The following MAP4K5 variants were observed in gnomAD, a reference collection of about 807,000 sequenced individuals.
MAP4K5 encodes mitogen-activated protein kinase kinase kinase kinase 5, also known as MAPK/ERK kinase kinase kinase 5.
MAP4K5 carries 82 observed loss-of-function variants against 135.6 expected under a neutral mutation model. The ratio of observed to expected loss-of-function variants is 0.60; its 90% CI spans 0.51 to 0.73. The LOEUF is 0.73. MAP4K5 is among the 30% of genes least tolerant of loss of function. MAP4K5 has a pLI of 0.00. For missense variants in MAP4K5, 907 were observed against 1,010.9 expected (o/e 0.90, Z 1.39); for synonymous variants, 347 against 335.0 (o/e 1.04, Z -0.39).
intron 11 of MAP4K5, among the ~76,000 whole-genome samples, chr14:50,465,449 T>C (rs1173885551): frequency 1.3e-5 from 2 of 152,214 alleles, no homozygotes; most frequent in African/African-American, 4.8e-5. Context: ...GATGACATCT[T>C]TTTGGACTAT....
chr14:50,483,837 CATTTATTTATTTATTT>C (rs72048369), intron 5 of MAP4K5, among the ~76,000 whole-genome samples: 51 of 144,296 alleles, frequency 3.5e-4, no homozygotes, highest in South Asian at 1.6e-3. Context: ...ACAGCAATTC[CATTTATTTATTTATTT>C]ATTTATTTAT....
intron 26 of MAP4K5, among the ~76,000 whole-genome samples, chr14:50,436,378 T>C (rs1021849587): frequency 6.6e-6 from 1 of 152,152 alleles, no homozygotes; most frequent in Non-Finnish European, 1.5e-5. Flanking sequence ...CTGGATAATA[T>C]AACAATAATG....
At chr14:50,490,123 G>A (rs1057447777) in intron 3 of MAP4K5, among the ~76,000 whole-genome samples, 7 of 99,854 alleles carry the variant, frequency 7.0e-5, no homozygotes, top group South Asian at 3.6e-4. Context: ...GACAGAGAGC[G>A]AGTGAGAGTG....
intron 6 of MAP4K5, among the ~76,000 whole-genome samples, chr14:50,482,127 A>G (rs2037256433): frequency 6.6e-6 from 1 of 152,220 alleles, no homozygotes; most frequent in Admixed American, 6.5e-5. Context: ...ACATATGATC[A>G]CTGTATATGT....
intron 5 of MAP4K5, among the ~76,000 whole-genome samples, chr14:50,483,540 TAAC>T (rs1184029808): frequency 2.0e-5 from 3 of 151,954 alleles, no homozygotes; most frequent in Non-Finnish European, 2.9e-5. Flanking sequence ...GTCACTTTAT[TAAC>T]AACATCTAAT....
intron 32 of MAP4K5, among the ~76,000 whole-genome samples, 170 bp downstream of exon 32, chr14:50,422,951 A>C (rs2035766109): frequency 3.9e-5 from 6 of 152,340 alleles, no homozygotes; most frequent in Middle Eastern, 3.4e-3. Flanking sequence ...AAGGTTGCTT[A>C]GTTAACTTAT....
At chr14:50,483,928 T>C (rs1414814707) in intron 5 of MAP4K5, among the ~76,000 whole-genome samples, 3 of 152,106 alleles carry the variant, frequency 2.0e-5, no homozygotes, top group South Asian at 2.1e-4. Flanking sequence ...TGGCGTGATC[T>C]TGGTTCACTG....
chr14:50,463,756 G>C (rs561488509), intron 12 of MAP4K5, among the ~76,000 whole-genome samples: 11 of 151,712 alleles, frequency 7.3e-5, no homozygotes, highest in South Asian at 2.1e-4. Flanking sequence ...GTAGTGGCAC[G>C]CGCCTGTAAT....
At chr14:50,538,912 T>A (rs1408038510) in intron 2 of MAP4K5, among the ~76,000 whole-genome samples, 1 of 152,236 alleles carries the variant, frequency 6.6e-6, no homozygotes, top group Non-Finnish European at 1.5e-5. Flanking sequence ...CTCAAACTCC[T>A]GGCCTCAAGC....
At chr14:50,471,027 T>C (rs2139848594) in intron 9 of MAP4K5, among the ~76,000 whole-genome samples, 1 of 152,308 alleles carries the variant, frequency 6.6e-6, no homozygotes, top group Middle Eastern at 3.4e-3. Flanking sequence ...ACTTTTATTT[T>C]AAGTTCCAGG....
intron 2 of MAP4K5, among the ~76,000 whole-genome samples, chr14:50,515,912 C>T (rs1429361168): frequency 6.6e-6 from 1 of 152,196 alleles, no homozygotes; most frequent in Non-Finnish European, 1.5e-5. Context: ...TGACAGGCAC[C>T]TTAACATTAA....
At chr14:50,459,308 C>A (rs2036659142) in intron 13 of MAP4K5, among the ~76,000 whole-genome samples, 1 of 152,166 alleles carries the variant, frequency 6.6e-6, no homozygotes, top group African/African-American at 2.4e-5. Context: ...TCCAACTGCT[C>A]AAGTCAAAAT....
chr14:50,425,781 A>G (rs2139626951), intron 31 of MAP4K5, 126 bp downstream of exon 31: 1 of 532,932 alleles, frequency 1.9e-6, no homozygotes, highest in Non-Finnish European at 3.3e-6. Context: ...TTTTTGTTCT[A>G]CCAGTTCATA....
chr14:50,468,818 T>C (rs1355907410), intron 9 of MAP4K5, 36 bp from the exon 10 acceptor site: 2 of 1,568,724 alleles, frequency 1.3e-6, no homozygotes, highest in South Asian at 2.3e-5. Context: ...TTTTTGTTGT[T>C]AAATATTGAT....
chr14:50,521,036 G>A (rs977259256), intron 2 of MAP4K5, among the ~76,000 whole-genome samples: 3 of 152,028 alleles, frequency 2.0e-5, no homozygotes, highest in Non-Finnish European at 4.4e-5. Flanking sequence ...GGCCAGGCTG[G>A]TCTCAAACTC....
chr14:50,550,716 AAAT>A (rs1454054894), intron 1 of MAP4K5, among the ~76,000 whole-genome samples: 1 of 152,242 alleles, frequency 6.6e-6, no homozygotes, highest in African/African-American at 2.4e-5. Flanking sequence ...GACCACAGTG[AAAT>A]AAAACTGGAA....
intron 1 of MAP4K5, among the ~76,000 whole-genome samples, chr14:50,548,903 A>G (rs939350213): frequency 6.6e-6 from 1 of 152,206 alleles, no homozygotes; most frequent in African/African-American, 2.4e-5. Flanking sequence ...AGCAGAGGCC[A>G]TCACCACCAG....
At chr14:50,505,494 T>C (rs2037791419) in intron 2 of MAP4K5, among the ~76,000 whole-genome samples, 1 of 152,210 alleles carries the variant, frequency 6.6e-6, no homozygotes, top group Non-Finnish European at 1.5e-5. Flanking sequence ...CACAGCCTTA[T>C]TTCCTTCAGT....
chr14:50,552,774 T>A (rs2038718791), intron 1 of MAP4K5, among the ~76,000 whole-genome samples: 1 of 152,190 alleles, frequency 6.6e-6, no homozygotes, highest in Non-Finnish European at 1.5e-5. Flanking sequence ...AAGGATACCC[T>A]ATTCAATAAA....
Sources: allele counts gnomAD v4.1 joint callset (sites outside exome capture counted in the v4.1 genomes callset), GRCh38; gene constraint gnomAD v4.1.1; transcripts MANE v1.5; gene names NCBI Gene and HGNC (gene_info 2026-07-23, HGNC 2026-07-21).